The following NDUFV2 variants were observed in gnomAD, a reference collection of about 807,000 sequenced individuals.
NDUFV2 encodes NADH:ubiquinone oxidoreductase core subunit V2.
In NDUFV2, 18 loss-of-function variants were observed where a neutral mutation model predicts 31.6. The ratio of observed to expected loss-of-function variants is 0.57; its 90% confidence interval spans 0.39 to 0.84. NDUFV2 has a LOEUF of 0.84. NDUFV2 is among the 40% of genes least tolerant of loss of function. NDUFV2 has a pLI of 0.00. For synonymous variants in NDUFV2, 83 were observed against 99.8 expected, an observed-to-expected ratio of 0.83 and a Z score of 1.01; for missense variants, 314 against 303.6, an observed-to-expected ratio of 1.03 and a Z score of -0.26.
chr18:9,117,637 A>T (rs1017436467), intron 1 of NDUFV2: 2 of 520,288 alleles, frequency 3.8e-6, no homozygotes, highest in Non-Finnish European at 7.0e-6. Context: ...GTGTGATGTT[A>T]GGTGGGTGAA....
At chr18:9,130,379 T>C (rs1190904016) in intron 7 of NDUFV2, among the ~76,000 whole-genome samples, 2 of 152,226 alleles carry the variant, frequency 1.3e-5, no homozygotes, top group South Asian at 2.1e-4. Flanking sequence ...TTCTTGACAG[T>C]GTTCTGGATT....
chr18:9,115,066 G>A (rs181945228), intron 1 of NDUFV2, among the ~76,000 whole-genome samples: 17 of 152,222 alleles, frequency 1.1e-4, no homozygotes, highest in Middle Eastern at 6.8e-3. Context: ...GGAGAAATAG[G>A]TTTTACAATA....
At chr18:9,104,152 G>T in intron 1 of NDUFV2, 1 of 1,612,760 alleles carries the variant, frequency 6.2e-7, no homozygotes, top group Non-Finnish European at 8.5e-7. Flanking sequence ...TATTCTAGGT[G>T]GAAAGGACAA....
chr18:9,117,011 A>G lies in NDUFV2; in HGVS notation c.55-827A>G, dbSNP rs144006568. Among the ~76,000 whole-genome samples, 4 of 152,066 alleles carry G rather than the reference A, an allele frequency of 2.6e-5. No individual in the cohort carries two copies. In the East Asian group the frequency reaches 7.7e-4, roughly 29 times the overall value. ...GCAACTGAACATTGTCAGTCCGCAT[A>G]GCATCATAAATAGCTTTCTGAAACT... On this transcript the variant is annotated intron_variant, in intron 1 of 7. Transcript: ENST00000318388.
chr18:9,126,774 A>G (rs1319215211), intron 6 of NDUFV2, 57 bp from the exon 7 acceptor site: 1 of 1,445,120 alleles, frequency 6.9e-7, no homozygotes, highest in East Asian at 2.3e-5. Context: ...GTCTCTATAA[A>G]TATATCGATA....
At chr18:9,107,817 T>C (rs11081459) in intron 1 of NDUFV2, among the ~76,000 whole-genome samples, 16,717 of 151,790 alleles carry the variant, frequency 0.11, 1,087 homozygotes, top group African/African-American at 0.16. Flanking sequence ...GAGATGGAGG[T>C]TTAGGGGCTT....
chr18:9,118,747 C>T (rs1233334344), intron 2 of NDUFV2, among the ~76,000 whole-genome samples: 2 of 148,256 alleles, frequency 1.3e-5, no homozygotes, highest in Non-Finnish European at 3.0e-5. Context: ...CCTGCTTCTG[C>T]TCTTTTAAGA....
chr18:9,127,114 G>A (rs2077997867), intron 7 of NDUFV2, among the ~76,000 whole-genome samples: 1 of 152,206 alleles, frequency 6.6e-6, no homozygotes, highest in South Asian at 2.1e-4. Flanking sequence ...AATATTTATA[G>A]AGAAGGAAAT....
At chr18:9,105,748 CAGTTGT>C (rs1311208189) in intron 1 of NDUFV2, among the ~76,000 whole-genome samples, 1 of 152,148 alleles carries the variant, frequency 6.6e-6, no homozygotes, top group Non-Finnish European at 1.5e-5. Context: ...CATTTTCATA[CAGTTGT>C]AAAGTTGGGA....
At chr18:9,119,258 G>A in intron 2 of NDUFV2, 68 bp from the exon 3 acceptor site, 1 of 1,153,132 alleles carries the variant, frequency 8.7e-7, no homozygotes, top group Non-Finnish European at 1.3e-6. Flanking sequence ...TAATAGTATA[G>A]TAATGTACAG....
intron 1 of NDUFV2, chr18:9,104,353 A>G: frequency 6.7e-7 from 1 of 1,490,350 alleles, no homozygotes; most frequent in Admixed American, 2.0e-5. Context: ...AAGTAGAGGA[A>G]TAAGATGTGG....
Position 9,134,330 on chromosome 18 carries a change from A to C in NDUFV2, c.*51A>C, listed in dbSNP as rs1188007874. 7.5e-7 allele frequency: 1 copy of C among 1,341,154 alleles called. No individual in the cohort carries two copies. Among genetic ancestry groups the C allele is most frequent in the Admixed American group, 1.7e-5 (1 of 59,224 alleles). 83.1% of individuals were successfully genotyped at this position (1,341,154 alleles called of 1,614,324 possible). On this transcript the variant is annotated 3_prime_UTR_variant, in exon 8 of 8. Coordinates refer to ENST00000318388, the MANE Select transcript of NDUFV2 (RefSeq NM_021074.5). ...CTAGAGAAATAAAATATGGACTTCCAATCTACGTAAACTTATTTGTTTATT... is the reference window on the plus strand; with the variant it reads ...CTAGAGAAATAAAATATGGACTTCCCATCTACGTAAACTTATTTGTTTATT...
At chr18:9,130,075 GACAT>G (rs1203402791) in intron 7 of NDUFV2, among the ~76,000 whole-genome samples, 1 of 152,182 alleles carries the variant, frequency 6.6e-6, no homozygotes, top group Non-Finnish European at 1.5e-5. Flanking sequence ...TGCCTGTTAA[GACAT>G]CCATGGTATG....
At position 9,102,729 on chromosome 18, in the gene NDUFV2, A is replaced by G. The variant is rs1252764122; in HGVS notation, c.-15A>G. 1.9e-5 allele frequency: 30 copies of G among 1,582,580 alleles called. No homozygotes were observed. The highest frequency in any genetic ancestry group is 2.5e-5 in the Non-Finnish European group (29 of 1,167,126). Reference sequence around the variant, plus strand: ...CGCCTGGCGCGGCTGGGGAAGGTGAACAGTGTGGCCCGCCATGTTCTTCTC... The same window carrying G: ...CGCCTGGCGCGGCTGGGGAAGGTGAGCAGTGTGGCCCGCCATGTTCTTCTC... On this transcript the variant is annotated 5_prime_UTR_variant, in exon 1 of 8. Transcript: ENST00000318388.
At chr18:9,125,429 T>C (rs1039865819) in intron 6 of NDUFV2, among the ~76,000 whole-genome samples, 3 of 152,136 alleles carry the variant, frequency 2.0e-5, no homozygotes, top group African/African-American at 7.2e-5. Context: ...GCTATACTAA[T>C]ATGTTGTATG....
rs1406200461 is a variant in NDUFV2 at position 9,122,650 on chromosome 18, C to A, written c.438C>A (p.Asp146Glu). ...TTTPCMLRNS[D>E]SILEAIQKKL... ...CACCCTGCATGCTTCGAAACTCTGA[C>A]AGCATACTGGAGGCCATTCAGAAAA... is the stretch of plus-strand genomic sequence containing the variant. The change falls in exon 5 of 8, where the codon GAC becomes GAA. Residue 146 changes from aspartate (D) to glutamate (E), a missense_variant. Physicochemically the swap from Asp to Glu is conservative, Grantham distance 45 (BLOSUM62 2). Coordinates refer to ENST00000318388, the MANE Select transcript of NDUFV2 (RefSeq NM_021074.5). 1 of 1,613,990 alleles carries A rather than the reference C, an allele frequency of 6.2e-7. No individual in the cohort carries two copies. Among genetic ancestry groups the A allele is most frequent in the Non-Finnish European group, 8.5e-7 (1 of 1,179,914 alleles).
intron 6 of NDUFV2, among the ~76,000 whole-genome samples, chr18:9,125,430 A>AT (rs1417506032): frequency 6.6e-6 from 1 of 152,066 alleles, no homozygotes; most frequent in African/African-American, 2.4e-5. Context: ...CTATACTAAT[A>AT]TGTTGTATGG....
At chr18:9,107,215 C>T (rs2077846336) in intron 1 of NDUFV2, among the ~76,000 whole-genome samples, 1 of 152,188 alleles carries the variant, frequency 6.6e-6, no homozygotes, top group African/African-American at 2.4e-5. Context: ...ACTGCAGACT[C>T]GGATCTTTTT....
At chr18:9,116,531 C>T (rs922562933) in intron 1 of NDUFV2, among the ~76,000 whole-genome samples, 2 of 152,152 alleles carry the variant, frequency 1.3e-5, no homozygotes, top group African/African-American at 4.8e-5. Context: ...ATCAAAGCCC[C>T]CTTGTGCACC....
Sources: gnomAD v4.1 joint callset for allele counts (sites outside exome capture counted in the v4.1 genomes callset) on GRCh38, gnomAD v4.1.1 for gene constraint, MANE v1.5 for transcripts, NCBI Gene and HGNC (gene_info 2026-07-23, HGNC 2026-07-21) for gene names.